The following CFAP20DC variants were observed in gnomAD, a reference collection of about 807,000 sequenced individuals.
CFAP20DC encodes CFAP20 domain containing, also known as protein CFAP20DC.
In CFAP20DC, 84 loss-of-function variants were observed where a neutral mutation model predicts 101.7. The ratio of observed to expected loss-of-function variants is 0.83; its 90% CI spans 0.69 to 0.99. CFAP20DC has a LOEUF of 0.99. CFAP20DC is among the 50% of genes least tolerant of loss of function. The pLI, the probability that CFAP20DC is intolerant of heterozygous loss-of-function variation, is 0.00. For synonymous variants in CFAP20DC, 359 were observed against 351.2 expected, an observed-to-expected ratio of 1.02 and a Z score of -0.25; for missense variants, 1,007 against 970.3, an observed-to-expected ratio of 1.04 and a Z score of -0.50.
chr3:58,760,353 A>C (rs1187416624), intron 15 of CFAP20DC, among the ~76,000 whole-genome samples: 2 of 152,194 alleles, frequency 1.3e-5, no homozygotes, highest in African/African-American at 4.8e-5. Flanking sequence ...ATTGGTGTAT[A>C]AGAATGCTTG....
Position 59,039,521 on chromosome 3 carries a change from C to T in CFAP20DC, c.278+36G>A, listed in dbSNP as rs868765421. ...GCTTCAATTGATCAAATGTCTAATA[C>T]ACACAAAACATTCAAAGAAGTTCTG... is the stretch of plus-strand genomic sequence containing the variant. On this transcript the variant is annotated intron_variant, in intron 4 of 16. Transcript: ENST00000482387. The T allele has an allele frequency of 2.2e-5, 28 of 1,249,444 alleles. No individual in the cohort carries two copies. In the Middle Eastern group the frequency reaches 2.0e-3, roughly 90 times the overall value. 77.4% of individuals were successfully genotyped at this position (1,249,444 alleles called of 1,614,324 possible).
intron 5 of CFAP20DC, among the ~76,000 whole-genome samples, chr3:58,922,238 T>G (rs991480866): frequency 5.3e-5 from 8 of 152,244 alleles, no homozygotes; most frequent in African/African-American, 1.9e-4. Flanking sequence ...CATCTTGCTC[T>G]TTGTTTTCAA....
chr3:58,739,547 G>A (rs2067834680), downstream of CFAP20DC, among the ~76,000 whole-genome samples: 1 of 152,162 alleles, frequency 6.6e-6, no homozygotes, highest in Non-Finnish European at 1.5e-5. Flanking sequence ...ATGCCATTAG[G>A]CAAAGCTCCT....
intron 4 of CFAP20DC, among the ~76,000 whole-genome samples, chr3:58,988,066 C>T (rs2092811008): frequency 6.6e-6 from 1 of 151,872 alleles, no homozygotes; most frequent in African/African-American, 2.4e-5. Context: ...GGAAAGAAAA[C>T]TCAGTCTAAC....
chr3:58,818,109 C>A (rs924511988), intron 14 of CFAP20DC, among the ~76,000 whole-genome samples: 1 of 150,106 alleles, frequency 6.7e-6, no homozygotes. Flanking sequence ...TTGTCACCAC[C>A]AGGCCTGCCC....
At chr3:58,814,049 T>C (rs1431858145) in intron 14 of CFAP20DC, among the ~76,000 whole-genome samples, 1 of 151,854 alleles carries the variant, frequency 6.6e-6, no homozygotes, top group Non-Finnish European at 1.5e-5. Flanking sequence ...CAATAACAAA[T>C]TCATTGGTAT....
At chr3:59,036,085 A>T (rs1224575556) in intron 4 of CFAP20DC, among the ~76,000 whole-genome samples, 2 of 152,244 alleles carry the variant, frequency 1.3e-5, no homozygotes, top group Non-Finnish European at 2.9e-5. Flanking sequence ...AAGGCCTTCG[A>T]TAAAATTCAA....
intron 4 of CFAP20DC, among the ~76,000 whole-genome samples, chr3:58,986,475 C>T (rs530094380): frequency 1.3e-5 from 2 of 152,222 alleles, no homozygotes; most frequent in South Asian, 2.1e-4. Context: ...GGAATTACTG[C>T]TCCCTCTGTG....
At chr3:58,890,708 C>T (rs540828170) in intron 6 of CFAP20DC, among the ~76,000 whole-genome samples, 45 of 138,928 alleles carry the variant, frequency 3.2e-4, no homozygotes, top group African/African-American at 1.0e-3. Context: ...ACTTCTCAGA[C>T]GGGGCGGCCG....
At chr3:58,983,724 T>A (rs1392847431) in intron 4 of CFAP20DC, among the ~76,000 whole-genome samples, 1 of 152,214 alleles carries the variant, frequency 6.6e-6, no homozygotes, top group Non-Finnish European at 1.5e-5. Context: ...GCTTAATCTG[T>A]GCCAAGTGCT....
At chr3:58,816,829 T>C (rs557188236) in intron 14 of CFAP20DC, among the ~76,000 whole-genome samples, 5 of 152,134 alleles carry the variant, frequency 3.3e-5, no homozygotes, top group Non-Finnish European at 7.4e-5. Context: ...GCTCCACCTC[T>C]GGGGGCAGGG....
intron 5 of CFAP20DC, among the ~76,000 whole-genome samples, chr3:58,929,403 G>T (rs2086338123): frequency 6.6e-6 from 1 of 152,030 alleles, no homozygotes; most frequent in African/African-American, 2.4e-5. Context: ...ATCTCACATG[G>T]GCTTTAACTC....
chr3:58,941,327 C>CAAAAA lies in CFAP20DC; in HGVS notation c.279-3570_279-3566dup, dbSNP rs752324535. Among the ~76,000 whole-genome samples the CAAAAA allele has an allele frequency of 7.1e-3, 138 of 19,482 alleles. 2 individuals carry two copies. Among genetic ancestry groups the CAAAAA allele is most frequent in the African/African-American group, 0.011 (62 of 5,452 alleles). 12.8% of individuals were successfully genotyped at this position (19,482 alleles called of 152,430 possible). ...CTGGCGACAGAGCGAGACTCCGTCTCAAAAAAAAAAAAAAAAAAAAAAAAA... is the reference window on the plus strand; with the variant it reads ...CTGGCGACAGAGCGAGACTCCGTCTCAAAAAAAAAAAAAAAAAAAAAAAAAAAAAA... On this transcript the variant is annotated intron_variant, in intron 4 of 16. Transcript: ENST00000482387.
At chr3:59,021,391 G>A (rs1415226687) in intron 4 of CFAP20DC, among the ~76,000 whole-genome samples, 2 of 152,074 alleles carry the variant, frequency 1.3e-5, no homozygotes, top group African/African-American at 4.8e-5. Flanking sequence ...AATATCTGTA[G>A]AAGTCACTGG....
In CFAP20DC at chr3:58,868,634, G is replaced by A. The variant is rs2108510131; in HGVS notation, c.1015+694C>T. Among the ~76,000 whole-genome samples the A allele has an allele frequency of 6.6e-6, 1 of 152,252 alleles. No homozygotes were observed. Among genetic ancestry groups the A allele is most frequent in the East Asian group, 1.9e-4 (1 of 5,186 alleles). On this transcript the variant is annotated intron_variant, in intron 9 of 16. Transcript: ENST00000482387. This position sits in a 1 kb window ranked among gnomAD's most constrained non-coding sequence, Gnocchi z 4.6. ...CCTCACTGACAGGCAGCTAGGGCTGGATTTCTATCTATCCATTTCCTTATT... is the reference window on the plus strand; with the variant it reads ...CCTCACTGACAGGCAGCTAGGGCTGAATTTCTATCTATCCATTTCCTTATT...
Position 58,861,224 on chromosome 3 carries a change from G to A in CFAP20DC, c.1593+2334C>T, listed in dbSNP as rs905183426. 2.6e-6 allele frequency: 1 copy of A among 388,048 alleles called. No homozygotes were observed. The highest frequency in any genetic ancestry group is 2.2e-5 in the African/African-American group (1 of 45,902). 24.0% of individuals were successfully genotyped at this position (388,048 alleles called of 1,614,324 possible). A position where few individuals can be genotyped will look rare whatever the true frequency, so the allele number is the denominator to read the frequency against. On this transcript the variant is annotated intron_variant, in intron 12 of 16. Coordinates refer to ENST00000482387, the MANE Select transcript of CFAP20DC (RefSeq NM_001394063.1). The surrounding 1 kb of genome is among the most constrained non-coding windows in gnomAD (Gnocchi z 4.0). ...TCATTTTCCTTTAAAAATACTCAAT[G>A]GGCTAACATCAAATAAAGTCTTTTA...
chr3:58,794,329 G>A (rs1303984015), intron 15 of CFAP20DC: 1 of 455,562 alleles, frequency 2.2e-6, no homozygotes, highest in African/African-American at 2.0e-5. Flanking sequence ...AGGACCTAAA[G>A]GCTTTTAAAA....
chr3:58,910,902 G>C (rs183265859), intron 6 of CFAP20DC, among the ~76,000 whole-genome samples: 6 of 151,908 alleles, frequency 3.9e-5, no homozygotes, highest in Admixed American at 1.3e-4. Context: ...GGCATACCAA[G>C]AGACAAGACC....
chr3:59,025,773 T>C (rs1560012253), intron 4 of CFAP20DC, among the ~76,000 whole-genome samples: 1 of 152,192 alleles, frequency 6.6e-6, no homozygotes. Flanking sequence ...TTAACAAATG[T>C]ATGGCCTTTT....
Sources: gnomAD v4.1 joint callset for allele counts (sites outside exome capture counted in the v4.1 genomes callset) on GRCh38, gnomAD v4.1.1 for gene constraint, Gnocchi (gnomAD v3.1) non-coding constraint, MANE v1.5 for transcripts, NCBI Gene and HGNC (gene_info 2026-07-23, HGNC 2026-07-21) for gene names.